RTN4RL1: variants seen among roughly 807,000 people sequenced by gnomAD.
The protein encoded by RTN4RL1 is reticulon 4 receptor like 1.
In RTN4RL1, 7 loss-of-function variants were observed where a neutral mutation model predicts 25.6. The observed-to-expected ratio is 0.27, with a 90% CI of 0.16 to 0.51. The LOEUF is 0.51. Ranked by LOEUF, RTN4RL1 falls within the 20% of genes least tolerant of loss-of-function variation. The pLI is 0.97. For missense variants in RTN4RL1, 500 were observed against 615.6 expected, an observed-to-expected ratio of 0.81 and a Z score of 1.99; for synonymous variants, 297 against 288.2, an observed-to-expected ratio of 1.03 and a Z score of -0.31.
chr17:2,021,466 C>T (rs1304443732), intron 1 of RTN4RL1, among the ~76,000 whole-genome samples: 1 of 151,778 alleles, frequency 6.6e-6, no homozygotes, highest in African/African-American at 2.4e-5. Flanking sequence ...TAAATTATTA[C>T]ACTCCCTCAG....
At chr17:1,949,636 C>T (rs1463223321) in intron 1 of RTN4RL1, among the ~76,000 whole-genome samples, 1 of 152,196 alleles carries the variant, frequency 6.6e-6, no homozygotes, top group Non-Finnish European at 1.5e-5. Context: ...AATCTATCCC[C>T]ACTCCTTCAT....
At chr17:1,941,783 A>ACCAGCTGTC (rs1232072015) in intron 1 of RTN4RL1, among the ~76,000 whole-genome samples, 4 of 152,070 alleles carry the variant, frequency 2.6e-5, no homozygotes, top group African/African-American at 7.2e-5. Flanking sequence ...CAAGACCTGG[A>ACCAGCTGTC]CCAGCTGTCC....
intron 1 of RTN4RL1, among the ~76,000 whole-genome samples, chr17:2,023,004 TGG>T (rs1243782030): frequency 6.6e-6 from 1 of 152,256 alleles, no homozygotes; most frequent in Non-Finnish European, 1.5e-5. Context: ...TGGAGGCTGC[TGG>T]AGCCTCCTTG....
intron 1 of RTN4RL1, among the ~76,000 whole-genome samples, chr17:1,949,954 G>A (rs1328938413): frequency 6.6e-6 from 1 of 152,368 alleles, no homozygotes; most frequent in Middle Eastern, 3.4e-3. Context: ...CAAAGGCCCT[G>A]AGGCAGGACT....
rs538870581 is a variant in RTN4RL1 at position 1,965,114 on chromosome 17, CTTTT to C, written c.14-27310_14-27307del. 1.4e-3 allele frequency among the ~76,000 whole-genome samples: 193 copies of C among 137,790 alleles called. 1 individual carries two copies. Among genetic ancestry groups the C allele is most frequent in the African/African-American group, 4.9e-3 (182 of 37,306 alleles). The allele number at this position is 137,790 out of a possible 152,430, so 90.4% of individuals were successfully genotyped here. A position where few individuals can be genotyped will look rare whatever the true frequency, so the allele number is the denominator to read the frequency against. Reference sequence around the variant, plus strand: ...CAGTTTGCTTTTCTTTTCTTTCTTTCTTTTTTTTTTTTGAGACGTTGTTTCACTC... The same window carrying C: ...CAGTTTGCTTTTCTTTTCTTTCTTTCTTTTTTTTGAGACGTTGTTTCACTC... On this transcript the variant is annotated intron_variant, in intron 1 of 1. Coordinates refer to ENST00000331238, the MANE Select transcript of RTN4RL1 (RefSeq NM_178568.4).
chr17:1,963,370 C>CA (rs1021036571), intron 1 of RTN4RL1, among the ~76,000 whole-genome samples: 1 of 152,234 alleles, frequency 6.6e-6, no homozygotes, highest in African/African-American at 2.4e-5. Context: ...TGCCCAAAGC[C>CA]AGGAGGCTCA....
At chr17:1,979,836 C>T (rs1273281602) in intron 1 of RTN4RL1, among the ~76,000 whole-genome samples, 3 of 152,140 alleles carry the variant, frequency 2.0e-5, no homozygotes, top group Non-Finnish European at 4.4e-5. Flanking sequence ...CCTTGACTGC[C>T]GCTTACCGCT....
intron 1 of RTN4RL1, among the ~76,000 whole-genome samples, chr17:1,979,330 A>G (rs2066856966): frequency 1.3e-5 from 2 of 151,770 alleles, no homozygotes; most frequent in African/African-American, 4.8e-5. Flanking sequence ...ACAAAAAATT[A>G]CCCAGGCATG....
At position 1,991,358 on chromosome 17, in the gene RTN4RL1, T is replaced by G. The variant is rs369343988; in HGVS notation, c.13+33495A>C. ...GCTGGAAACGGAAGAAAAGGTGGAC[T>G]GAGAAGCCAGATAAAGCCTGTGAGT... On this transcript the variant is annotated intron_variant, in intron 1 of 1. Transcript: ENST00000331238. Among the ~76,000 whole-genome samples the G allele has an allele frequency of 2.0e-5, 3 of 146,448 alleles. No individual in the cohort carries two copies. In the East Asian group the frequency reaches 6.0e-4, roughly 29 times the overall value.
chr17:1,955,821 T>A lies in RTN4RL1; in HGVS notation c.14-18013A>T, dbSNP rs371283267. Among the ~76,000 whole-genome samples, 262 of 151,684 alleles carry A rather than the reference T, an allele frequency of 1.7e-3. 3 individuals carry two copies. In the South Asian group the frequency reaches 0.023, roughly 14 times the overall value. On this transcript the variant is annotated intron_variant, in intron 1 of 1. Transcript: ENST00000331238. ...CTGGTCTCGAACTCCTGAACTCAAGTGATCCGCCCGCCTCAGCCTCCCAAC... is the reference window on the plus strand; with the variant it reads ...CTGGTCTCGAACTCCTGAACTCAAGAGATCCGCCCGCCTCAGCCTCCCAAC...
intron 1 of RTN4RL1, among the ~76,000 whole-genome samples, chr17:1,969,058 CTTTTTT>C (rs566553225): frequency 9.6e-6 from 1 of 103,892 alleles, no homozygotes; most frequent in African/African-American, 3.7e-5. Context: ...ACCACTGTCC[CTTTTTT>C]TTTTTTTTTT....
intron 1 of RTN4RL1, among the ~76,000 whole-genome samples, chr17:1,954,589 T>C (rs533919067): frequency 1.3e-5 from 2 of 152,162 alleles, no homozygotes; most frequent in Admixed American, 1.3e-4. Context: ...GGTTTCACCA[T>C]GTTGGCCAGG....
At chr17:1,977,585 T>C (rs1293389973) in intron 1 of RTN4RL1, among the ~76,000 whole-genome samples, 1 of 151,824 alleles carries the variant, frequency 6.6e-6, no homozygotes, top group East Asian at 1.9e-4. Context: ...CTGGGAGACC[T>C]GGGGCGGCCT....
intron 1 of RTN4RL1, among the ~76,000 whole-genome samples, chr17:2,006,368 C>G (rs779219643): frequency 6.6e-6 from 1 of 151,688 alleles, no homozygotes; most frequent in African/African-American, 2.4e-5. Context: ...CCATTGTTGG[C>G]CAGGCTGGTC....
intron 1 of RTN4RL1, among the ~76,000 whole-genome samples, chr17:1,957,890 T>C (rs936390972): frequency 9.1e-6 from 1 of 110,306 alleles, no homozygotes; most frequent in Admixed American, 9.2e-5. Flanking sequence ...ACAAACAAAG[T>C]GAGATGGTGG....
intron 1 of RTN4RL1, among the ~76,000 whole-genome samples, chr17:1,961,773 CAAA>C (rs1163170575): frequency 4.1e-4 from 23 of 55,596 alleles, no homozygotes; most frequent in Non-Finnish European, 7.6e-4. Flanking sequence ...ACTAAAAATA[CAAA>C]AAAAAAAAAA....
chr17:1,960,002 C>CCTAA (rs140252119), intron 1 of RTN4RL1, among the ~76,000 whole-genome samples: 19,463 of 152,206 alleles, frequency 0.13, 1,402 homozygotes, highest in Admixed American at 0.21. Context: ...CTCCGATTGT[C>CCTAA]CTGTGTTCAC....
intron 1 of RTN4RL1, chr17:2,020,227 T>C (rs1261243708): frequency 6.6e-6 from 1 of 152,214 alleles, no homozygotes; most frequent in Non-Finnish European, 1.5e-5. Flanking sequence ...CAGCTCAGCC[T>C]CCTTGATAAG....
intron 1 of RTN4RL1, among the ~76,000 whole-genome samples, chr17:2,021,167 T>G (rs562454698): frequency 1.3e-5 from 2 of 152,298 alleles, no homozygotes; most frequent in South Asian, 2.1e-4. Context: ...CATTAAGAGA[T>G]GCAAGGCAGT....
Sources: allele counts gnomAD v4.1 joint callset (sites outside exome capture counted in the v4.1 genomes callset), GRCh38; gene constraint gnomAD v4.1.1; transcripts MANE v1.5; gene names NCBI Gene and HGNC (gene_info 2026-07-23, HGNC 2026-07-21).